CDH12: variants seen among roughly 807,000 people sequenced by gnomAD.
The protein encoded by CDH12 is cadherin 12.
A neutral mutation model predicts 74.1 loss-of-function variants in CDH12; 41 were observed. The ratio of observed to expected loss-of-function variants is 0.55; its 90% CI spans 0.43 to 0.72. The LOEUF (loss-of-function observed/expected upper bound fraction) is 0.72. CDH12 is among the 30% of genes least tolerant of loss of function. The pLI is 0.00. For synonymous variants in CDH12, 399 were observed against 355.0 expected (o/e 1.12, Z -1.39); for missense variants, 945 against 977.2 (o/e 0.97, Z 0.44).
chr5:22,641,610 C>A (rs1185309379), intron 1 of CDH12, among the ~76,000 whole-genome samples: 1 of 152,112 alleles, frequency 6.6e-6, no homozygotes, highest in Non-Finnish European at 1.5e-5. Context: ...CCAAGCCACA[C>A]AGAATCCCTT....
intron 3 of CDH12, among the ~76,000 whole-genome samples, chr5:22,358,004 T>C (rs1740635942): frequency 1.3e-5 from 2 of 152,226 alleles, no homozygotes; most frequent in Admixed American, 6.5e-5. Context: ...TTAATATTGT[T>C]AACTCCAGCA....
intron 3 of CDH12, among the ~76,000 whole-genome samples, chr5:22,265,559 C>T (rs1310909925): frequency 6.6e-6 from 1 of 152,024 alleles, no homozygotes. Flanking sequence ...TTATGTGGCT[C>T]TATTGTTTTA....
chr5:22,750,971 G>C (rs1270338465), intron 1 of CDH12, among the ~76,000 whole-genome samples: 1 of 149,678 alleles, frequency 6.7e-6, no homozygotes, highest in African/African-American at 2.4e-5. Context: ...ATGAGAACAA[G>C]GTTTACAACC....
At chr5:22,737,747 G>A (rs937986769) in intron 1 of CDH12, among the ~76,000 whole-genome samples, 3 of 151,906 alleles carry the variant, frequency 2.0e-5, no homozygotes, top group Non-Finnish European at 4.4e-5. Context: ...TATTAAATTT[G>A]CCTAGAACTT....
At chr5:22,796,236 G>T (rs764559481) in intron 1 of CDH12, among the ~76,000 whole-genome samples, 1 of 152,212 alleles carries the variant, frequency 6.6e-6, no homozygotes, top group Non-Finnish European at 1.5e-5. Flanking sequence ...CCATATGGTA[G>T]TTCTATTTTT....
chr5:22,142,964 T>C, intron 4 of CDH12: 1 of 229,634 alleles, frequency 4.4e-6, no homozygotes, highest in Admixed American at 4.1e-5. Flanking sequence ...AGCATTTAAT[T>C]GCCAATGGGA....
intron 1 of CDH12, among the ~76,000 whole-genome samples, chr5:22,624,637 G>T (rs932823387): frequency 6.6e-6 from 1 of 152,090 alleles, no homozygotes; most frequent in Non-Finnish European, 1.5e-5. Context: ...TTAGAATGGC[G>T]ATCATTAAAA....
At chr5:22,775,816 G>T (rs565016157) in intron 1 of CDH12, among the ~76,000 whole-genome samples, 57 of 152,210 alleles carry the variant, frequency 3.7e-4, no homozygotes, top group Middle Eastern at 3.4e-3. Flanking sequence ...CAATTGAATT[G>T]TATCTCCCAG....
intron 1 of CDH12, among the ~76,000 whole-genome samples, chr5:22,576,548 T>G (rs1739798006): frequency 6.6e-6 from 1 of 151,874 alleles, no homozygotes. Flanking sequence ...TTCCGTAGAG[T>G]TTTGTGCACT....
chr5:21,959,993 C>A (rs1340708696), intron 6 of CDH12, among the ~76,000 whole-genome samples: 2 of 150,066 alleles, frequency 1.3e-5, no homozygotes, highest in African/African-American at 2.4e-5. Context: ...AACAAGAAGA[C>A]CTTACTAACC....
intron 2 of CDH12, among the ~76,000 whole-genome samples, chr5:22,444,540 T>G (rs2126548169): frequency 2.6e-5 from 1 of 39,050 alleles, no homozygotes; most frequent in Non-Finnish European, 5.7e-5. Context: ...TTTTTAACAG[T>G]TTTTTTTTTT....
intron 1 of CDH12, among the ~76,000 whole-genome samples, chr5:22,714,577 G>A (rs754062552): frequency 1.1e-4 from 16 of 152,120 alleles, no homozygotes; most frequent in Non-Finnish European, 1.9e-4. Flanking sequence ...AGGGGGAAAA[G>A]AAAAGAGGGA....
intron 4 of CDH12, among the ~76,000 whole-genome samples, chr5:22,132,763 G>A (rs1007594613): frequency 1.3e-5 from 2 of 152,084 alleles, no homozygotes; most frequent in Admixed American, 6.6e-5. Flanking sequence ...CACTGAAGGA[G>A]TGAGGGAGTC....
intron 4 of CDH12, among the ~76,000 whole-genome samples, chr5:22,178,646 A>T (rs962543869): frequency 2.6e-5 from 4 of 152,158 alleles, no homozygotes; most frequent in African/African-American, 9.7e-5. Flanking sequence ...ACTCTTACCA[A>T]TAGTCCTCAG....
chr5:22,351,181 G>C (rs928426208), intron 3 of CDH12, among the ~76,000 whole-genome samples: 3 of 152,108 alleles, frequency 2.0e-5, no homozygotes, highest in African/African-American at 7.2e-5. Flanking sequence ...AGATTATACT[G>C]AGAGTGGATT....
chr5:22,620,115 T>C (rs1561532898), intron 1 of CDH12, among the ~76,000 whole-genome samples: 1 of 152,084 alleles, frequency 6.6e-6, no homozygotes, highest in Non-Finnish European at 1.5e-5. Flanking sequence ...CTTTTAATCA[T>C]AGCTAAGTTT....
intron 2 of CDH12, among the ~76,000 whole-genome samples, chr5:22,461,637 TA>T (rs1165006078): frequency 2.1e-4 from 32 of 152,126 alleles, no homozygotes; most frequent in African/African-American, 7.2e-4. Flanking sequence ...ATAAATTCAA[TA>T]TATAAATGAC....
intron 8 of CDH12, among the ~76,000 whole-genome samples, chr5:21,839,406 G>T (rs1425621654): frequency 6.6e-6 from 1 of 151,954 alleles, no homozygotes; most frequent in South Asian, 2.1e-4. Flanking sequence ...AACAGAAATT[G>T]TTCACCTTTA....
At chr5:22,115,766 A>G (rs1745055211) in intron 4 of CDH12, among the ~76,000 whole-genome samples, 1 of 139,924 alleles carries the variant, frequency 7.1e-6, no homozygotes, top group South Asian at 2.2e-4. Flanking sequence ...ATCTCGGCTC[A>G]CTGAAACCTC....
Sources: allele counts gnomAD v4.1 joint callset (sites outside exome capture counted in the v4.1 genomes callset), GRCh38; gene constraint gnomAD v4.1.1; transcripts MANE v1.5; gene names NCBI Gene and HGNC (gene_info 2026-07-23, HGNC 2026-07-21).